Variants in CDH13 observed in about 807,000 individuals in gnomAD.
CDH13 encodes the protein cadherin 13.
A neutral mutation model predicts 63.8 loss-of-function variants in CDH13; 24 were observed. That is an observed-to-expected ratio of 0.38 (90% CI 0.27 to 0.53). The LOEUF (loss-of-function observed/expected upper bound fraction) is 0.53, where lower values mean the gene tolerates loss of function less well. CDH13 is among the 20% of genes least tolerant of loss of function. The pLI is 0.85. For missense variants in CDH13, 1,049 were observed against 903.1 expected (o/e 1.16, Z -2.07); for synonymous variants, 503 against 355.3 (o/e 1.42, Z -4.67).
At chr16:83,057,906 G>A (rs1484462377) in intron 3 of CDH13, among the ~76,000 whole-genome samples, 2 of 152,090 alleles carry the variant, frequency 1.3e-5, no homozygotes, top group East Asian at 1.9e-4. Flanking sequence ...TCAATGGTAA[G>A]GTTCCTCCCT....
chr16:82,821,603 G>A (rs1269961214), intron 1 of CDH13, among the ~76,000 whole-genome samples: 2 of 152,164 alleles, frequency 1.3e-5, no homozygotes, highest in East Asian at 1.9e-4. Flanking sequence ...TGACTACAAG[G>A]GAAGAAAGAC....
At chr16:83,407,654 T>C (rs1189478414) in intron 6 of CDH13, among the ~76,000 whole-genome samples, 4 of 152,238 alleles carry the variant, frequency 2.6e-5, no homozygotes, top group Admixed American at 2.0e-4. Flanking sequence ...CAGGGGAGTT[T>C]TATTTAAGCT....
At chr16:83,604,722 C>G (rs1030549263) in intron 8 of CDH13, among the ~76,000 whole-genome samples, 1 of 152,026 alleles carries the variant, frequency 6.6e-6, no homozygotes, top group African/African-American at 2.4e-5. Context: ...AATAAAAACT[C>G]AGAGCACATT....
At position 83,014,505 on chromosome 16, in the gene CDH13, G is replaced by A. The variant is rs1455840845; in HGVS notation, c.158-17505G>A. ...TCTCAGCACTTTGGGAGGCCAAGAC[G>A]GATAGATCACTTGAGGTCAGGAGTT... On this transcript the variant is annotated intron_variant, in intron 2 of 13. Coordinates refer to ENST00000567109, the MANE Select transcript of CDH13 (RefSeq NM_001257.5). Among the ~76,000 whole-genome samples the A allele has an allele frequency of 4.0e-5, 6 of 151,134 alleles. No homozygotes were observed. In the South Asian group the frequency reaches 8.3e-4, roughly 21 times the overall value.
At chr16:83,131,771 C>A (rs1206247795) in intron 4 of CDH13, among the ~76,000 whole-genome samples, 2 of 152,108 alleles carry the variant, frequency 1.3e-5, no homozygotes, top group African/African-American at 4.8e-5. Context: ...TACAGAAAAT[C>A]CTGTTTTAAA....
intron 5 of CDH13, among the ~76,000 whole-genome samples, chr16:83,310,209 G>A (rs1297915196): frequency 6.6e-6 from 1 of 152,184 alleles, no homozygotes; most frequent in African/African-American, 2.4e-5. Context: ...CATTTTGAAA[G>A]ACTAGTTATG....
intron 2 of CDH13, among the ~76,000 whole-genome samples, chr16:82,985,901 C>G (rs966585731): frequency 6.6e-6 from 1 of 152,112 alleles, no homozygotes; most frequent in African/African-American, 2.4e-5. Flanking sequence ...TGCACCTGCT[C>G]TGGCCATGTG....
intron 5 of CDH13, among the ~76,000 whole-genome samples, chr16:83,278,126 A>G (rs1287348542): frequency 6.6e-6 from 1 of 152,192 alleles, no homozygotes; most frequent in Admixed American, 6.5e-5. Context: ...TTAAAAAAAA[A>G]TGCATTATAT....
intron 3 of CDH13, among the ~76,000 whole-genome samples, chr16:83,036,303 C>G (rs374026102): frequency 1.3e-5 from 2 of 152,136 alleles, no homozygotes; most frequent in South Asian, 4.2e-4. Context: ...GCACCCACCA[C>G]CACACCTGGC....
chr16:83,135,013 A>G (rs1373600525), intron 4 of CDH13, among the ~76,000 whole-genome samples: 1 of 152,232 alleles, frequency 6.6e-6, no homozygotes, highest in Non-Finnish European at 1.5e-5. Flanking sequence ...ATTATTTGTG[A>G]ACATTCAAGG....
intron 2 of CDH13, among the ~76,000 whole-genome samples, chr16:82,865,114 C>A (rs1038725705): frequency 1.1e-4 from 17 of 152,342 alleles, no homozygotes; most frequent in African/African-American, 4.1e-4. Context: ...GCAGTTCCAC[C>A]CCCATGGCTT....
rs1471832274 is a variant in CDH13, at chr16:83,775,481, G to A, written c.1682-4487G>A. On this transcript the variant is annotated intron_variant, in intron 11 of 13. Coordinates refer to ENST00000567109, the MANE Select transcript of CDH13 (RefSeq NM_001257.5). ...ACTCAGCCAGACCCCCACATGTTTAGAAGTTAGACTTCTCTGATCCTTAAA... is the reference window on the plus strand; with the variant it reads ...ACTCAGCCAGACCCCCACATGTTTAAAAGTTAGACTTCTCTGATCCTTAAA... Among the ~76,000 whole-genome samples the A allele has an allele frequency of 6.6e-5, 10 of 152,220 alleles. No individual in the cohort carries two copies. The East Asian group carries it at 1.7e-3, about 27-fold the overall frequency.
intron 2 of CDH13, among the ~76,000 whole-genome samples, chr16:82,885,705 A>C (rs1362616539): frequency 6.6e-6 from 1 of 152,196 alleles, no homozygotes; most frequent in East Asian, 1.9e-4. Context: ...GGTTACAAGC[A>C]CAAGATCTTC....
intron 7 of CDH13, among the ~76,000 whole-genome samples, chr16:83,527,945 A>C (rs932648591): frequency 2.6e-5 from 4 of 152,198 alleles, no homozygotes; most frequent in African/African-American, 9.7e-5. Flanking sequence ...GCCAGAGGAA[A>C]TATTAGAGAT....
At position 83,710,744 on chromosome 16, in the gene CDH13, G is replaced by A. The variant is rs138472529; in HGVS notation, c.1538+32283G>A. On this transcript the variant is annotated intron_variant, in intron 10 of 13. Coordinates refer to ENST00000567109, the MANE Select transcript of CDH13 (RefSeq NM_001257.5). Reference sequence around the variant, plus strand: ...TTGTAATGAGTTAAAGTTCATGTGTGAAGCGCTTAGCACCGTGACTGCCAC... The same window carrying A: ...TTGTAATGAGTTAAAGTTCATGTGTAAAGCGCTTAGCACCGTGACTGCCAC... 3.2e-3 allele frequency among the ~76,000 whole-genome samples: 494 copies of A among 152,286 alleles called. 7 individuals carry two copies. The highest frequency in any genetic ancestry group is 8.7e-4 in the Non-Finnish European group (59 of 68,030).
intron 5 of CDH13, among the ~76,000 whole-genome samples, chr16:83,238,743 TG>T (rs1904287734): frequency 2.1e-3 from 40 of 19,204 alleles, no homozygotes; most frequent in Admixed American, 3.8e-3. Context: ...TGTGTTTTTT[TG>T]TTTGTTTGTT....
chr16:83,557,114 C>G (rs932954997), intron 7 of CDH13, among the ~76,000 whole-genome samples: 1 of 152,160 alleles, frequency 6.6e-6, no homozygotes, highest in African/African-American at 2.4e-5. Flanking sequence ...TGAGTGGCAG[C>G]ATTAGAGTCT....
At chr16:83,201,120 C>T (rs912312832) in intron 4 of CDH13, among the ~76,000 whole-genome samples, 5 of 152,108 alleles carry the variant, frequency 3.3e-5, no homozygotes, top group African/African-American at 1.2e-4. Context: ...TGTGCCTGTT[C>T]ATTGATTTAT....
chr16:83,007,123 T>C (rs1446564549), intron 2 of CDH13, among the ~76,000 whole-genome samples: 1 of 152,120 alleles, frequency 6.6e-6, no homozygotes, highest in Non-Finnish European at 1.5e-5. Flanking sequence ...GGTTTCTCCA[T>C]GTTGGTCAGG....
Sources: allele counts gnomAD v4.1 joint callset (sites outside exome capture counted in the v4.1 genomes callset), GRCh38; gene constraint gnomAD v4.1.1; transcripts MANE v1.5; gene names NCBI Gene and HGNC (gene_info 2026-07-23, HGNC 2026-07-21).